The following CABP7 variants were observed in gnomAD, a reference collection of about 807,000 sequenced individuals.
CABP7 encodes the protein calcium-binding protein 7.
In CABP7, 13 loss-of-function variants were observed where a neutral mutation model predicts 23.1. That is an observed-to-expected ratio of 0.56 (90% CI 0.37 to 0.90). CABP7 has a LOEUF of 0.90. Among genes scored for constraint, CABP7 ranks in the 40% least tolerant of loss-of-function variants. CABP7 has a pLI of 0.01. For missense variants in CABP7, 248 were observed against 295.6 expected (o/e 0.84, Z 1.18); for synonymous variants, 123 against 115.3 (o/e 1.07, Z -0.43).
At position 29,720,267 on chromosome 22, in the gene CABP7, C is replaced by A. The variant is rs191509105; in HGVS notation, c.-158C>A. ...GGCCCGGCGGCCCGGGGCGCGGGGGCGCTAGGCCCCCGGAGGGGCGTCCCC... is the reference window on the plus strand; with the variant it reads ...GGCCCGGCGGCCCGGGGCGCGGGGGAGCTAGGCCCCCGGAGGGGCGTCCCC... On this transcript the variant is annotated 5_prime_UTR_variant, in exon 1 of 5. Transcript: ENST00000216144. The surrounding 1 kb of genome is among the most constrained non-coding windows in gnomAD (Gnocchi z 5.2). 887 of 157,444 alleles carry A rather than the reference C, an allele frequency of 5.6e-3. 34 individuals are homozygous for A. The East Asian group carries it at 0.075, about 13-fold the overall frequency. 9.8% of individuals were successfully genotyped at this position (157,444 alleles called of 1,614,324 possible). A position where few individuals can be genotyped will look rare whatever the true frequency, so the allele number is the denominator to read the frequency against.
At position 29,729,667 on chromosome 22, in the gene CABP7, G is replaced by A. The variant is rs936395689; in HGVS notation, c.*98G>A. ...TCTCCCTTGGCCGGCTCCCTGGGCC[G>A]CCATCTGCGTGTACTTCAGGGCCTG... On this transcript the variant is annotated 3_prime_UTR_variant, in exon 5 of 5. Coordinates refer to ENST00000216144, the MANE Select transcript of CABP7 (RefSeq NM_182527.3). The A allele has an allele frequency of 8.8e-6, 13 of 1,477,836 alleles. No individual in the cohort carries two copies. Among genetic ancestry groups the A allele is most frequent in the Admixed American group, 5.5e-5 (3 of 54,202 alleles). 91.5% of individuals were successfully genotyped at this position (1,477,836 alleles called of 1,614,324 possible).
intron 1 of CABP7, among the ~76,000 whole-genome samples, chr22:29,721,342 C>A (rs1028573907): frequency 6.6e-6 from 1 of 152,130 alleles, no homozygotes; most frequent in East Asian, 1.9e-4. Context: ...AGCAGTGAGA[C>A]CCCTGGGGCC....
Position 29,720,884 on chromosome 22 carries a change from C to T in CABP7, c.109+351C>T, listed in dbSNP as rs1047066797. Among the ~76,000 whole-genome samples the T allele has an allele frequency of 6.6e-6, 1 of 151,628 alleles. No homozygotes were observed. Among genetic ancestry groups the T allele is most frequent in the Non-Finnish European group, 1.5e-5 (1 of 67,852 alleles). On this transcript the variant is annotated intron_variant, in intron 1 of 4. Coordinates refer to ENST00000216144, the MANE Select transcript of CABP7 (RefSeq NM_182527.3). The surrounding 1 kb of genome is among the most constrained non-coding windows in gnomAD (Gnocchi z 5.2). ...TCCGCGCTGAGCCCCCAGCGCCGGC[C>T]CGGCCGGAGCACCCGCATCCTGATC...
At chr22:29,728,923 C>A in intron 3 of CABP7, 132 bp from the exon 4 acceptor site, 2 of 1,265,828 alleles carry the variant, frequency 1.6e-6, no homozygotes, top group Non-Finnish European at 2.2e-6. Flanking sequence ...GTCAAGGACT[C>A]TCTGGGGGAA....
Position 29,727,605 on chromosome 22 carries a change from AAAGG to A in CABP7, c.110-56_110-53del. 6.2e-7 allele frequency: 1 copy of A among 1,606,308 alleles called. No individual in the cohort carries two copies. Among genetic ancestry groups the A allele is most frequent in the Admixed American group, 1.7e-5 (1 of 59,492 alleles). On this transcript the variant is annotated intron_variant, in intron 1 of 4. Coordinates refer to ENST00000216144, the MANE Select transcript of CABP7 (RefSeq NM_182527.3). This position sits in a 1 kb window ranked among gnomAD's most constrained non-coding sequence, Gnocchi z 4.2. ...AGGGTCGGTGATCCTGGGGGTCTGG[AAAGG>A]GGGTCTGTTGGGGACCGGGGTGAAG... is the stretch of plus-strand genomic sequence containing the variant.
rs1055834576 is a variant in CABP7, at chr22:29,720,337, C to G, written c.-88C>G. On this transcript the variant is annotated 5_prime_UTR_variant, in exon 1 of 5. Transcript: ENST00000216144. This position sits in a 1 kb window ranked among gnomAD's most constrained non-coding sequence, Gnocchi z 5.2. ...CCGCCCTCCGCAGCCGCGCGCCCCG[C>G]CCGCTCCAGCCGCCCCCGGGGCCGC... 1.2e-5 allele frequency: 7 copies of G among 605,158 alleles called. No homozygotes were observed. The African/African-American group carries it at 1.2e-4, about 10-fold the overall frequency. The allele number at this position is 605,158 out of a possible 1,614,324, so 37.5% of individuals were successfully genotyped here. A position where few individuals can be genotyped will look rare whatever the true frequency, so the allele number is the denominator to read the frequency against.
At position 29,720,422 on chromosome 22, in the gene CABP7, A is replaced by G. The variant is rs2067751321; in HGVS notation, c.-3A>G. On this transcript the variant is annotated 5_prime_UTR_variant, in exon 1 of 5. Transcript: ENST00000216144. This position sits in a 1 kb window ranked among gnomAD's most constrained non-coding sequence, Gnocchi z 5.2. ...GCGGGCGGGCGGGCGCGGAGCCTCC[A>G]AGATGCCGTTCCACCCGGTGACGGC... The G allele has an allele frequency of 1.3e-6, 2 of 1,511,162 alleles. No individual in the cohort carries two copies. The highest frequency in any genetic ancestry group is 5.6e-5 in the East Asian group (2 of 35,804). 93.6% of individuals were successfully genotyped at this position (1,511,162 alleles called of 1,614,324 possible).
In CABP7 at chr22:29,727,640, G is replaced by A; in HGVS notation, c.110-22G>A. 1 of 1,613,402 alleles carries A rather than the reference G, an allele frequency of 6.2e-7. No individual in the cohort carries two copies. Among genetic ancestry groups the A allele is most frequent in the Non-Finnish European group, 8.5e-7 (1 of 1,179,784 alleles). ...TGTTGGGGACCGGGGTGAAGTCCCA[G>A]CCTACTCCATTCTCTCCTCAGAGAT... On this transcript the variant is annotated intron_variant, in intron 1 of 4. Coordinates refer to ENST00000216144, the MANE Select transcript of CABP7 (RefSeq NM_182527.3). This position sits in a 1 kb window ranked among gnomAD's most constrained non-coding sequence, Gnocchi z 4.2.
In CABP7 at chr22:29,729,660, C is replaced by T; in HGVS notation, c.*91C>T. On this transcript the variant is annotated 3_prime_UTR_variant, in exon 5 of 5. Coordinates refer to ENST00000216144, the MANE Select transcript of CABP7 (RefSeq NM_182527.3). ...GCAGACCTCTCCCTTGGCCGGCTCC[C>T]TGGGCCGCCATCTGCGTGTACTTCA... The T allele has an allele frequency of 6.6e-7, 1 of 1,519,724 alleles. No individual in the cohort carries two copies. The highest frequency in any genetic ancestry group is 8.9e-7 in the Non-Finnish European group (1 of 1,123,702). 94.1% of individuals were successfully genotyped at this position (1,519,724 alleles called of 1,614,324 possible).
Position 29,720,625 on chromosome 22 carries a change from G to GGGC in CABP7, c.109+95_109+97dup. On this transcript the variant is annotated intron_variant, in intron 1 of 4. Coordinates refer to ENST00000216144, the MANE Select transcript of CABP7 (RefSeq NM_182527.3). This position sits in a 1 kb window ranked among gnomAD's most constrained non-coding sequence, Gnocchi z 5.2. ...CAGGGGCGCGGGGGCGGGGGGCGGG[G>GGGC]GGCGGTCCGCAGGTGCCGGTTGCCA... The GGGC allele has an allele frequency of 1.4e-6, 1 of 736,068 alleles. No homozygotes were observed. Among genetic ancestry groups the GGGC allele is most frequent in the Non-Finnish European group, 2.0e-6 (1 of 501,572 alleles). The allele number at this position is 736,068 out of a possible 1,614,324, so 45.6% of individuals were successfully genotyped here.
chr22:29,727,225 C>CTAAGGAT lies in CABP7; in HGVS notation c.110-437_110-436insTAAGGAT, dbSNP rs2067801829. Among the ~76,000 whole-genome samples, 1 of 150,700 alleles carries CTAAGGAT rather than the reference C, an allele frequency of 6.6e-6. No individual in the cohort carries two copies. On this transcript the variant is annotated intron_variant, in intron 1 of 4. Transcript: ENST00000216144. The surrounding 1 kb of genome is among the most constrained non-coding windows in gnomAD (Gnocchi z 4.2). ...TGGCCGGTGTTAAGGATCTAAGGAT[C>CTAAGGAT]CGAGCCTGGGGGAGGAGGCGCAGCG...
rs1463029381 is a variant in CABP7, at chr22:29,727,638, C to A, written c.110-24C>A. On this transcript the variant is annotated intron_variant, in intron 1 of 4. Transcript: ENST00000216144. The surrounding 1 kb of genome is among the most constrained non-coding windows in gnomAD (Gnocchi z 4.2). The stretch of plus-strand genomic sequence containing the variant: ...TCTGTTGGGGACCGGGGTGAAGTCC[C>A]AGCCTACTCCATTCTCTCCTCAGAG... 2 of 1,613,128 alleles carry A rather than the reference C, an allele frequency of 1.2e-6. No individual in the cohort carries two copies. The highest frequency in any genetic ancestry group is 4.5e-5 in the East Asian group (2 of 44,846).
chr22:29,731,200 T>G lies in CABP7; in HGVS notation c.*1631T>G. The G allele has an allele frequency of 1.4e-6, 2 of 1,473,380 alleles. No individual in the cohort carries two copies. Among genetic ancestry groups the G allele is most frequent in the East Asian group, 2.7e-5 (1 of 36,556 alleles). 91.3% of individuals were successfully genotyped at this position (1,473,380 alleles called of 1,614,324 possible). On this transcript the variant is annotated 3_prime_UTR_variant, in exon 5 of 5. Coordinates refer to ENST00000216144, the MANE Select transcript of CABP7 (RefSeq NM_182527.3). Reference sequence around the variant, plus strand: ...GTGACTGATGAGAAAAGTGACCACGTGGGGGTCAGTCGGGGGCAAGGGGCT... The same window carrying G: ...GTGACTGATGAGAAAAGTGACCACGGGGGGGTCAGTCGGGGGCAAGGGGCT...
At chr22:29,724,068 C>T (rs778918726) in intron 1 of CABP7, among the ~76,000 whole-genome samples, 5 of 152,210 alleles carry the variant, frequency 3.3e-5, no homozygotes, top group African/African-American at 9.6e-5. Context: ...CTTGGCCTTA[C>T]GGGACGGGAA....
At chr22:29,725,509 A>G (rs1243780208) in intron 1 of CABP7, among the ~76,000 whole-genome samples, 2 of 152,180 alleles carry the variant, frequency 1.3e-5, no homozygotes, top group African/African-American at 4.8e-5. Context: ...ACAGCCACGA[A>G]CAAGACCAGC....
chr22:29,728,500 G>C, intron 2 of CABP7, 130 bp from the exon 3 acceptor site: 1 of 604,550 alleles, frequency 1.7e-6, no homozygotes, highest in East Asian at 2.8e-5. Flanking sequence ...AAGGCTCAGA[G>C]AAGGCGGGCA....
chr22:29,722,284 G>C (rs1003857344), intron 1 of CABP7, among the ~76,000 whole-genome samples: 1 of 152,244 alleles, frequency 6.6e-6, no homozygotes, highest in African/African-American at 2.4e-5. Flanking sequence ...CTGCAGGGGC[G>C]AGGGGCCGCA....
chr22:29,727,266 G>A lies in CABP7; in HGVS notation c.110-396G>A, dbSNP rs956351806. On this transcript the variant is annotated intron_variant, in intron 1 of 4. Coordinates refer to ENST00000216144, the MANE Select transcript of CABP7 (RefSeq NM_182527.3). The surrounding 1 kb of genome is among the most constrained non-coding windows in gnomAD (Gnocchi z 4.2). ...AGGCGCAGCGGGATGGAGATGGTGG[G>A]GGAGAGGGGGATGAAAGGAATGGGG... 1.1e-4 allele frequency among the ~76,000 whole-genome samples: 16 copies of A among 151,764 alleles called. No homozygotes were observed. The highest frequency in any genetic ancestry group is 5.9e-5 in the Non-Finnish European group (4 of 67,900).
rs1480387836 is a variant in CABP7, at chr22:29,720,769, G to T, written c.109+236G>T. Among the ~76,000 whole-genome samples, 7 of 151,500 alleles carry T rather than the reference G, an allele frequency of 4.6e-5. No individual in the cohort carries two copies. The highest frequency in any genetic ancestry group is 1.0e-4 in the Non-Finnish European group (7 of 67,756). ...AGCCCCTGCCCGCGTGGTCCCCAGC[G>T]CTGCGGAAACTTGCCGGGCCCCGCA... On this transcript the variant is annotated intron_variant, in intron 1 of 4. Transcript: ENST00000216144. The surrounding 1 kb of genome is among the most constrained non-coding windows in gnomAD (Gnocchi z 5.2).
Sources: allele counts gnomAD v4.1 joint callset (sites outside exome capture counted in the v4.1 genomes callset), GRCh38; gene constraint gnomAD v4.1.1; non-coding constraint Gnocchi (gnomAD v3.1); transcripts MANE v1.5; gene names NCBI Gene and HGNC (gene_info 2026-07-23, HGNC 2026-07-21).